PIEZO2: variants seen among roughly 807,000 people sequenced by gnomAD.
The protein encoded by PIEZO2 is piezo-type mechanosensitive ion channel component 2.
A neutral mutation model predicts 337.3 loss-of-function variants in PIEZO2; 172 were observed. That is an observed-to-expected ratio of 0.51 (90% CI 0.45 to 0.58). PIEZO2 has a LOEUF of 0.58. Ranked by LOEUF, PIEZO2 falls within the 20% of genes least tolerant of loss-of-function variation. PIEZO2 has a pLI of 0.00. For missense variants in PIEZO2, 3,028 were observed against 3,391.3 expected (o/e 0.89, Z 2.66); for synonymous variants, 1,251 against 1,228.5 (o/e 1.02, Z -0.38).
At chr18:10,881,327 G>C (rs1326909729) in intron 4 of PIEZO2, among the ~76,000 whole-genome samples, 1 of 152,168 alleles carries the variant, frequency 6.6e-6, no homozygotes, top group Non-Finnish European at 1.5e-5. Flanking sequence ...CTCACTGTGA[G>C]AGTTGCTAAT....
At chr18:10,963,510 C>T (rs2033873357) in intron 3 of PIEZO2, among the ~76,000 whole-genome samples, 1 of 152,134 alleles carries the variant, frequency 6.6e-6, no homozygotes, top group African/African-American at 2.4e-5. Context: ...TCCACATTAA[C>T]CGGTTACATT....
intron 3 of PIEZO2, among the ~76,000 whole-genome samples, chr18:10,933,506 C>T (rs1391994133): frequency 2.0e-5 from 3 of 152,170 alleles, no homozygotes; most frequent in Non-Finnish European, 2.9e-5. Flanking sequence ...GCATGCTACA[C>T]AGAGTCCCGC....
At chr18:10,825,355 G>T (rs1232191982) in intron 7 of PIEZO2, among the ~76,000 whole-genome samples, 1 of 152,040 alleles carries the variant, frequency 6.6e-6, no homozygotes, top group Non-Finnish European at 1.5e-5. Context: ...TTTTCTCATG[G>T]TTATGCAGGG....
intron 15 of PIEZO2, 80 bp downstream of exon 15, chr18:10,788,999 G>C: frequency 7.2e-7 from 1 of 1,379,952 alleles, no homozygotes; most frequent in Non-Finnish European, 9.6e-7. Context: ...AGATTCTAGT[G>C]ATTTAAAATC....
intron 2 of PIEZO2, among the ~76,000 whole-genome samples, chr18:11,063,381 T>C (rs1378650112): frequency 6.6e-6 from 1 of 151,998 alleles, no homozygotes; most frequent in Non-Finnish European, 1.5e-5. Context: ...TGTATACATA[T>C]GTAACTAACC....
At chr18:11,058,488 G>A (rs2037812124) in intron 2 of PIEZO2, among the ~76,000 whole-genome samples, 1 of 152,050 alleles carries the variant, frequency 6.6e-6, no homozygotes, top group African/African-American at 2.4e-5. Context: ...AGCTAAAGGA[G>A]GAAGTTCGAA....
intron 4 of PIEZO2, among the ~76,000 whole-genome samples, chr18:10,879,190 C>T (rs75594169): frequency 0.035 from 5,325 of 152,238 alleles, 311 homozygotes; most frequent in African/African-American, 0.12. Flanking sequence ...CAATTCTGCA[C>T]AGAATCAGGC....
chr18:10,995,984 A>C (rs1351707428), intron 2 of PIEZO2, among the ~76,000 whole-genome samples: 4 of 152,346 alleles, frequency 2.6e-5, no homozygotes, highest in African/African-American at 9.6e-5. Flanking sequence ...CAAATAACTA[A>C]AATATCTTGT....
Position 10,756,402 on chromosome 18 carries a change from C to A in PIEZO2, c.3923+1567G>T, listed in dbSNP as rs1242289343. Among the ~76,000 whole-genome samples, 5 of 119,856 alleles carry A rather than the reference C, an allele frequency of 4.2e-5. No homozygotes were observed. In the Admixed American group the frequency reaches 4.5e-4, roughly 11 times the overall value. The allele number at this position is 119,856 out of a possible 152,430, so 78.6% of individuals were successfully genotyped here. The stretch of plus-strand genomic sequence containing the variant: ...GATAAAGGATGAAAGATGAGGAGGA[C>A]GGATGGAAGAGGAGAAGGATGGATG... On this transcript the variant is annotated intron_variant, in intron 27 of 55. Coordinates refer to ENST00000674853, the MANE Select transcript of PIEZO2 (RefSeq NM_001378183.1).
intron 1 of PIEZO2, among the ~76,000 whole-genome samples, chr18:11,067,055 C>T (rs2038177492): frequency 6.6e-6 from 1 of 152,044 alleles, no homozygotes; most frequent in Non-Finnish European, 1.5e-5. Context: ...TCGAAGCATA[C>T]CACTAGAGAA....
At chr18:10,941,240 C>A (rs2041938847) in intron 3 of PIEZO2, among the ~76,000 whole-genome samples, 1 of 152,062 alleles carries the variant, frequency 6.6e-6, no homozygotes, top group Non-Finnish European at 1.5e-5. Context: ...AGTAAGGAAT[C>A]CTTAGAGGAC....
At position 10,770,139 on chromosome 18, in the gene PIEZO2, T is replaced by G; in HGVS notation, c.2946+9A>C. On this transcript the variant is annotated intron_variant, in intron 21 of 55. Transcript: ENST00000674853. ...GTTCAGCCTGATGATAGGACAAATG[T>G]TCACTTGCCTCTTTCACAGAAACCC... 1 of 1,536,980 alleles carries G rather than the reference T, an allele frequency of 6.5e-7. No homozygotes were observed. The highest frequency in any genetic ancestry group is 8.7e-7 in the Non-Finnish European group (1 of 1,146,810).
Position 10,962,659 on chromosome 18 carries a change from C to G in PIEZO2, c.286+16876G>C, listed in dbSNP as rs2033831102. On this transcript the variant is annotated intron_variant, in intron 3 of 55. Coordinates refer to ENST00000674853, the MANE Select transcript of PIEZO2 (RefSeq NM_001378183.1). This position sits in a 1 kb window ranked among gnomAD's most constrained non-coding sequence, Gnocchi z 4.1. ...TTTTCCTCTTACCAAGTACAAATTA[C>G]TTTCTCCATAAGCAAACTTTCAGTA... Among the ~76,000 whole-genome samples, 2 of 152,192 alleles carry G rather than the reference C, an allele frequency of 1.3e-5. No individual in the cohort carries two copies. The highest frequency in any genetic ancestry group is 4.8e-5 in the African/African-American group (2 of 41,448).
intron 1 of PIEZO2, among the ~76,000 whole-genome samples, chr18:11,122,778 T>C (rs2146201692): frequency 6.6e-6 from 1 of 152,270 alleles, no homozygotes; most frequent in East Asian, 1.9e-4. Flanking sequence ...GGATGATCAT[T>C]CTAACAGGCT....
At position 10,705,755 on chromosome 18, in the gene PIEZO2, A is replaced by C. The variant is rs1426803747; in HGVS notation, c.5589-9T>G. On this transcript the variant is annotated splice_polypyrimidine_tract_variant and intron_variant, in intron 40 of 55. Transcript: ENST00000674853. ...TACACTGCGTGGGCTCGCTGTTGGGAGAAAGCGTGGGCACAGAGCCCATGT... is the reference window on the plus strand; with the variant it reads ...TACACTGCGTGGGCTCGCTGTTGGGCGAAAGCGTGGGCACAGAGCCCATGT... The C allele has an allele frequency of 6.6e-7, 1 of 1,512,048 alleles. No individual in the cohort carries two copies. Among genetic ancestry groups the C allele is most frequent in the South Asian group, 1.2e-5 (1 of 81,124 alleles). 93.7% of individuals were successfully genotyped at this position (1,512,048 alleles called of 1,614,324 possible).
chr18:10,922,785 G>A (rs1360749980), intron 3 of PIEZO2, among the ~76,000 whole-genome samples: 4 of 152,094 alleles, frequency 2.6e-5, no homozygotes, highest in Non-Finnish European at 4.4e-5. Flanking sequence ...CATAAATGCA[G>A]TTATTACAAA....
In PIEZO2 at chr18:10,856,519, G is replaced by A. The variant is rs566632765; in HGVS notation, c.703+482C>T. On this transcript the variant is annotated intron_variant, in intron 6 of 55. Transcript: ENST00000674853. This position sits in a 1 kb window ranked among gnomAD's most constrained non-coding sequence, Gnocchi z 4.7. ...AGCGGTCCAAGTCCAAAATTTAAAG[G>A]AAGTGAGCGTCTGTGCTGGAAGATT... Among the ~76,000 whole-genome samples, 1 of 152,250 alleles carries A rather than the reference G, an allele frequency of 6.6e-6. No homozygotes were observed. The highest frequency in any genetic ancestry group is 2.4e-5 in the African/African-American group (1 of 41,526).
Position 10,909,833 on chromosome 18 carries a change from A to G in PIEZO2, c.329+1353T>C, listed in dbSNP as rs150574370. Among the ~76,000 whole-genome samples the G allele has an allele frequency of 4.2e-3, 646 of 152,292 alleles. 3 individuals are homozygous for G. Among genetic ancestry groups the G allele is most frequent in the African/African-American group, 0.013 (546 of 41,572 alleles). On this transcript the variant is annotated intron_variant, in intron 4 of 55. Transcript: ENST00000674853. ...TCCATTCTTTCTTTTAAGTTGGCCTATGGGATCTGACCACCCCAAATCAAC... is the reference window on the plus strand; with the variant it reads ...TCCATTCTTTCTTTTAAGTTGGCCTGTGGGATCTGACCACCCCAAATCAAC...
At chr18:10,747,253 G>T (rs986940626) in intron 30 of PIEZO2, among the ~76,000 whole-genome samples, 3 of 152,128 alleles carry the variant, frequency 2.0e-5, no homozygotes, top group African/African-American at 7.2e-5. Flanking sequence ...AAAGAAAGAG[G>T]TTGCAAAAAA....
Sources: gnomAD v4.1 joint callset for allele counts (sites outside exome capture counted in the v4.1 genomes callset) on GRCh38, gnomAD v4.1.1 for gene constraint, Gnocchi (gnomAD v3.1) non-coding constraint, MANE v1.5 for transcripts, NCBI Gene and HGNC (gene_info 2026-07-23, HGNC 2026-07-21) for gene names.